The following LRRC39 variants were observed in gnomAD, a reference collection of about 807,000 sequenced individuals.
LRRC39 encodes the protein leucine rich repeat containing 39.
LRRC39 carries 35 observed loss-of-function variants against 39.7 expected under a neutral mutation model. That is an observed-to-expected ratio of 0.88 (90% CI 0.67 to 1.17). LRRC39 has a LOEUF of 1.17. Among genes scored for constraint, LRRC39 ranks in the 50% most tolerant of loss-of-function variants. The pLI is 0.00. For synonymous variants in LRRC39, 113 were observed against 134.1 expected (o/e 0.84, Z 1.09); for missense variants, 357 against 385.8 (o/e 0.93, Z 0.62).
At chr1:100,168,184 G>A (rs1048502339) in intron 3 of LRRC39, among the ~76,000 whole-genome samples, 5 of 152,116 alleles carry the variant, frequency 3.3e-5, no homozygotes, top group Non-Finnish European at 4.4e-5. Flanking sequence ...AGTCCTATGA[G>A]GGTATAAGAT....
At chr1:100,158,986 C>T (rs1658678374) in intron 5 of LRRC39, among the ~76,000 whole-genome samples, 1 of 151,592 alleles carries the variant, frequency 6.6e-6, no homozygotes, top group Non-Finnish European at 1.5e-5. Flanking sequence ...CTGTTGTTTC[C>T]TAAGAGGAAT....
chr1:100,172,559 A>C (rs1659693851), intron 2 of LRRC39, among the ~76,000 whole-genome samples: 1 of 151,638 alleles, frequency 6.6e-6, no homozygotes, highest in Non-Finnish European at 1.5e-5. Flanking sequence ...GTGGTGGCTC[A>C]TGCCTGTAAT....
chr1:100,152,351 A>C, intron 9 of LRRC39, 34 bp downstream of exon 9: 1 of 1,593,960 alleles, frequency 6.3e-7, no homozygotes, highest in Non-Finnish European at 8.6e-7. Context: ...TCTACCAAAA[A>C]ACATTTAATC....
chr1:100,175,228 A>G (rs1659880430), intron 1 of LRRC39, among the ~76,000 whole-genome samples: 1 of 151,128 alleles, frequency 6.6e-6, no homozygotes, highest in Non-Finnish European at 1.5e-5. Context: ...AGACAGGCTT[A>G]CTCTGCCACC....
At chr1:100,179,113 T>C (rs1047536414), upstream of LRRC39, among the ~76,000 whole-genome samples, 8 of 152,234 alleles carry the variant, frequency 5.3e-5, no homozygotes, top group African/African-American at 1.9e-4. Flanking sequence ...TTCTTTTTAA[T>C]GGCTACATAG....
chr1:100,159,181 T>C (rs1658690307), intron 5 of LRRC39, 78 bp downstream of exon 5: 1 of 1,327,630 alleles, frequency 7.5e-7, no homozygotes, highest in African/African-American at 1.5e-5. Flanking sequence ...CTTTATTCCA[T>C]GTATCCAAAA....
In LRRC39 at chr1:100,148,815, G is replaced by A; in HGVS notation, c.*227C>T. On this transcript the variant is annotated 3_prime_UTR_variant, in exon 10 of 10. Transcript: ENST00000370137. ...TCATTCTTCATCACCAGAAACAACT[G>A]CTTAATGGAAAAGAAATTTGAGCAT... The A allele has an allele frequency of 6.9e-7, 1 of 1,455,668 alleles. No individual in the cohort carries two copies. The highest frequency in any genetic ancestry group is 9.1e-7 in the Non-Finnish European group (1 of 1,104,770). 90.2% of individuals were successfully genotyped at this position (1,455,668 alleles called of 1,614,324 possible).
intron 4 of LRRC39, among the ~76,000 whole-genome samples, 191 bp from the exon 5 acceptor site, chr1:100,159,606 C>CTTTTTTTTTTTTTTTTTTT (rs10593200): frequency 7.3e-5 from 3 of 41,286 alleles, no homozygotes; most frequent in Non-Finnish European, 4.4e-5. Flanking sequence ...TTTTCTTTTC[C>CTTTTTTTTTTTTTTTTTTT]TTTTTTTTTT....
At chr1:100,154,896 T>A (rs944091497) in intron 8 of LRRC39, among the ~76,000 whole-genome samples, 155 bp downstream of exon 8, 1 of 152,254 alleles carries the variant, frequency 6.6e-6, no homozygotes, top group Non-Finnish European at 1.5e-5. Flanking sequence ...ATCCTATTCA[T>A]CAAATTATAG....
rs543158419 is a variant in LRRC39 at position 100,164,932 on chromosome 1, T to C, written c.113+3472A>G. 5.2e-4 allele frequency among the ~76,000 whole-genome samples: 79 copies of C among 152,164 alleles called. 1 individual carries two copies. Among genetic ancestry groups the C allele is most frequent in the Admixed American group, 2.5e-3 (38 of 15,260 alleles). ...GTTGCCCAGTCTGGTCTCAAGCTCGTTGGGCTCAAGAAATCCTCCTACCTC... is the reference window on the plus strand; with the variant it reads ...GTTGCCCAGTCTGGTCTCAAGCTCGCTGGGCTCAAGAAATCCTCCTACCTC... On this transcript the variant is annotated intron_variant, in intron 3 of 9. Transcript: ENST00000370137.
At chr1:100,149,768 C>G (rs114934545) in intron 9 of LRRC39, 2,702 of 184,708 alleles carry the variant, frequency 0.015, 32 homozygotes, top group Non-Finnish European at 0.02. Flanking sequence ...GACTGTTATT[C>G]TCTTCTGCAT....
intron 5 of LRRC39, 105 bp from the exon 6 acceptor site, chr1:100,158,472 C>T: frequency 9.7e-7 from 1 of 1,029,750 alleles, no homozygotes; most frequent in Non-Finnish European, 1.4e-6. Flanking sequence ...GAGTCTTGCT[C>T]TGTCGCCCAG....
chr1:100,164,495 C>T lies in LRRC39; in HGVS notation c.113+3909G>A, dbSNP rs184824709. 9.4e-4 allele frequency among the ~76,000 whole-genome samples: 143 copies of T among 152,260 alleles called. 1 individual carries two copies. Among genetic ancestry groups the T allele is most frequent in the African/African-American group, 3.0e-3 (126 of 41,546 alleles). ...AAATAAGATCCCTATGGGATTCCTA[C>T]GCAGACAAGTTTGAGAAACACTGGT... is the stretch of plus-strand genomic sequence containing the variant. On this transcript the variant is annotated intron_variant, in intron 3 of 9. Transcript: ENST00000370137.
rs113014326 is a variant in LRRC39, at chr1:100,158,964, A to G, written c.376+295T>C. Among the ~76,000 whole-genome samples, 977 of 150,910 alleles carry G rather than the reference A, an allele frequency of 6.5e-3. 15 individuals carry two copies. The highest frequency in any genetic ancestry group is 0.023 in the African/African-American group (947 of 41,088). ...TTGAAGAATCTTCTTGTTTTGCTTT[A>G]TTGCCTTCAACCTGTTGTTTCCTAA... On this transcript the variant is annotated intron_variant, in intron 5 of 9. Coordinates refer to ENST00000370137, the MANE Select transcript of LRRC39 (RefSeq NM_144620.4).
chr1:100,162,888 A>C (rs1433475003), intron 3 of LRRC39, among the ~76,000 whole-genome samples: 1 of 152,230 alleles, frequency 6.6e-6, no homozygotes, highest in Non-Finnish European at 1.5e-5. Context: ...GCAGTTTTGT[A>C]TATTAACTGA....
chr1:100,176,510 T>C (rs1659965610), intron 1 of LRRC39, among the ~76,000 whole-genome samples: 1 of 152,154 alleles, frequency 6.6e-6, no homozygotes, highest in South Asian at 2.1e-4. Context: ...AAAAACTGTG[T>C]GACATTGGAG....
chr1:100,158,293 A>G lies in LRRC39; in HGVS notation c.451T>C (p.Cys151Arg), dbSNP rs1658607442. 1 of 1,613,976 alleles carries G rather than the reference A, an allele frequency of 6.2e-7. No individual in the cohort carries two copies. The highest frequency in any genetic ancestry group is 8.5e-7 in the Non-Finnish European group (1 of 1,179,978). The stretch of plus-strand genomic sequence containing the variant: ...AGTTCTAGTTTCTCCAAGCTGGCAC[A>G]ATTACTTAGTTCCTTGGGGACAGTC... The part of the protein sequence containing the change: ...IKTVPKELSN[C>R]ASLEKLELAV... Residue 151 changes from cysteine to arginine, a missense_variant, in exon 6 of 10, where the codon TGT becomes CGT. By Grantham distance (180) the Cys-to-Arg change is radical. Coordinates refer to ENST00000370137, the MANE Select transcript of LRRC39 (RefSeq NM_144620.4).
chr1:100,161,607 C>T (rs1193094867), intron 3 of LRRC39, among the ~76,000 whole-genome samples: 1 of 152,096 alleles, frequency 6.6e-6, no homozygotes, highest in African/African-American at 2.4e-5. Flanking sequence ...TGGGTATATT[C>T]ATAGGAGTAG....
chr1:100,156,233 C>T lies in LRRC39; in HGVS notation c.598G>A (p.Ala200Thr), dbSNP rs1309605031. 1.2e-6 allele frequency: 2 copies of T among 1,613,822 alleles called. No homozygotes were observed. Among genetic ancestry groups the T allele is most frequent in the Non-Finnish European group, 1.7e-6 (2 of 1,179,908 alleles). The change falls in exon 7 of 10, where the codon GCC becomes ACC. Residue 200 changes from alanine (A) to threonine (T), a missense_variant. Ala to Thr is a moderately conservative substitution (Grantham distance 58). Coordinates refer to ENST00000370137, the MANE Select transcript of LRRC39 (RefSeq NM_144620.4). ...TIPLAVLNMP[A>T]LEWLDMGSNK... ...CTTCCCATGTCCAGCCACTCAAGGGCAGGCATGTTCAACACAGCAAGAGGG... is the reference window on the plus strand; with the variant it reads ...CTTCCCATGTCCAGCCACTCAAGGGTAGGCATGTTCAACACAGCAAGAGGG...
Sources: allele counts gnomAD v4.1 joint callset (sites outside exome capture counted in the v4.1 genomes callset), GRCh38; gene constraint gnomAD v4.1.1; transcripts MANE v1.5; gene names NCBI Gene and HGNC (gene_info 2026-07-23, HGNC 2026-07-21).